Variants in BNC2 observed in about 807,000 individuals in gnomAD.
The protein encoded by BNC2 is zinc finger protein basonuclin-2.
A neutral mutation model predicts 76.3 loss-of-function variants in BNC2; 20 were observed. The ratio of observed to expected loss-of-function variants is 0.26; its 90% CI spans 0.18 to 0.38. BNC2 has a LOEUF of 0.38. Ranked by LOEUF, BNC2 falls within the 10% of genes least tolerant of loss-of-function variation. BNC2 has a pLI of 1.00. For missense variants in BNC2, 1,382 were observed against 1,399.8 expected (o/e 0.99, Z 0.20); for synonymous variants, 582 against 514.8 (o/e 1.13, Z -1.77).
chr9:16,412,825 G>C lies in BNC2; in HGVS notation c.*6164C>G, dbSNP rs1192938384. 1.3e-5 allele frequency: 2 copies of C among 151,772 alleles called. No individual in the cohort carries two copies. Among genetic ancestry groups the C allele is most frequent in the African/African-American group, 4.9e-5 (2 of 41,212 alleles). 9.4% of individuals were successfully genotyped at this position (151,772 alleles called of 1,614,324 possible). A position where few individuals can be genotyped will look rare whatever the true frequency, so the allele number is the denominator to read the frequency against. On this transcript the variant is annotated 3_prime_UTR_variant, in exon 7 of 7. Transcript: ENST00000380672. ...AACTCGATGGGAAAGCCTAGCCCTT[G>C]TAGTCAATTTCTCCTTCACAAGGGG...
chr9:16,618,353 A>G (rs1820769785), intron 3 of BNC2, among the ~76,000 whole-genome samples: 2 of 152,190 alleles, frequency 1.3e-5, no homozygotes, highest in Admixed American at 1.3e-4. Context: ...GCATAGAGAA[A>G]GCTATCCTGT....
chr9:16,444,695 G>C (rs991750551), intron 5 of BNC2, among the ~76,000 whole-genome samples: 1 of 152,180 alleles, frequency 6.6e-6, no homozygotes, highest in African/African-American at 2.4e-5. Context: ...GAGTTTCAGG[G>C]AGATATTCTG....
chr9:16,741,521 G>C (rs538284193), intron 1 of BNC2, among the ~76,000 whole-genome samples: 1 of 152,136 alleles, frequency 6.6e-6, no homozygotes, highest in African/African-American at 2.4e-5. Context: ...GTAGAACTCA[G>C]CCTGGTTCCC....
chr9:16,506,105 G>C (rs577553508), intron 5 of BNC2, among the ~76,000 whole-genome samples: 1 of 152,092 alleles, frequency 6.6e-6, no homozygotes, highest in African/African-American at 2.4e-5. Context: ...AAAATCTATC[G>C]CAAACTTTTC....
At chr9:16,700,346 CA>C (rs1823473026) in intron 3 of BNC2, among the ~76,000 whole-genome samples, 1 of 152,082 alleles carries the variant, frequency 6.6e-6, no homozygotes, top group Non-Finnish European at 1.5e-5. Context: ...GTCTTGATAG[CA>C]AGACCCCATA....
chr9:16,741,098 G>C (rs930245400), intron 1 of BNC2, among the ~76,000 whole-genome samples: 1 of 152,098 alleles, frequency 6.6e-6, no homozygotes, highest in Non-Finnish European at 1.5e-5. Flanking sequence ...TTAAAGATGG[G>C]GCTATCTGCT....
Position 16,456,643 on chromosome 9 carries a change from A to C in BNC2, c.670-19119T>G, listed in dbSNP as rs567538968. Among the ~76,000 whole-genome samples the C allele has an allele frequency of 2.0e-5, 3 of 152,032 alleles. No individual in the cohort carries two copies. In the East Asian group the frequency reaches 5.8e-4, roughly 29 times the overall value. The stretch of plus-strand genomic sequence containing the variant: ...GTCTCTGTCCTGTACTTTCTCCCCA[A>C]ATGCTCTGGCAGATATTTCCTAGCA... On this transcript the variant is annotated intron_variant, in intron 5 of 6. Transcript: ENST00000380672.
intron 1 of BNC2, among the ~76,000 whole-genome samples, chr9:16,746,024 CA>C: frequency 6.6e-6 from 1 of 152,108 alleles, no homozygotes; most frequent in Non-Finnish European, 1.5e-5. Context: ...AAGGTCATAC[CA>C]AAAAATCTTA....
intron 3 of BNC2, among the ~76,000 whole-genome samples, chr9:16,598,739 T>G (rs138641720): frequency 1.2e-3 from 180 of 152,304 alleles, no homozygotes; most frequent in African/African-American, 4.3e-3. Context: ...TTTACCATAC[T>G]GTACCTGAAA....
intron 5 of BNC2, among the ~76,000 whole-genome samples, chr9:16,535,437 T>A (rs948340630): frequency 1.3e-5 from 2 of 152,192 alleles, no homozygotes; most frequent in African/African-American, 4.8e-5. Context: ...TAGATTCCCA[T>A]ATACCCAATC....
intron 1 of BNC2, among the ~76,000 whole-genome samples, chr9:16,846,119 G>C (rs1420450263): frequency 7.0e-6 from 1 of 142,520 alleles, no homozygotes; most frequent in Non-Finnish European, 1.5e-5. Context: ...CAACGTGGGA[G>C]ACAGAGCGAG....
At chr9:16,597,966 A>G (rs1820139124) in intron 3 of BNC2, among the ~76,000 whole-genome samples, 1 of 152,156 alleles carries the variant, frequency 6.6e-6, no homozygotes, top group African/African-American at 2.4e-5. Flanking sequence ...CAAATCAGTA[A>G]TTTGTCTCTC....
At chr9:16,455,048 G>A (rs568055879) in intron 5 of BNC2, among the ~76,000 whole-genome samples, 4 of 152,292 alleles carry the variant, frequency 2.6e-5, no homozygotes, top group African/African-American at 9.6e-5. Flanking sequence ...AGGGACTAGA[G>A]ACTAAGTATG....
rs748084319 is a variant in BNC2 at position 16,738,505 on chromosome 9, G to A, written c.4-20C>T. 5.0e-6 allele frequency: 8 copies of A among 1,613,350 alleles called. No homozygotes were observed. Among genetic ancestry groups the A allele is most frequent in the Non-Finnish European group, 5.9e-6 (7 of 1,179,688 alleles). ...GTGTGCCTATTGAGAGATTGGGAAA[G>A]GAAATTACATATGCCCAGACAGTAT... On this transcript the variant is annotated intron_variant, in intron 1 of 6. Transcript: ENST00000380672.
chr9:16,757,313 C>G (rs1226615561), intron 1 of BNC2, among the ~76,000 whole-genome samples: 1 of 152,132 alleles, frequency 6.6e-6, no homozygotes, highest in African/African-American at 2.4e-5. Context: ...CATCTTGAAT[C>G]CTGTCATTTT....
chr9:16,755,348 A>G (rs10810609), intron 1 of BNC2, among the ~76,000 whole-genome samples: 130,214 of 151,606 alleles, frequency 0.86, 56,445 homozygotes, highest in Non-Finnish European at 0.92. Context: ...GGGGGACACC[A>G]CCTCAGAACA....
chr9:16,810,944 C>A (rs1015497654), intron 1 of BNC2, among the ~76,000 whole-genome samples: 3 of 152,082 alleles, frequency 2.0e-5, no homozygotes, highest in Non-Finnish European at 4.4e-5. Context: ...CAGGGGCCAG[C>A]GCAGTGGCTC....
chr9:16,518,549 G>T (rs966244059), intron 5 of BNC2, among the ~76,000 whole-genome samples: 1 of 152,104 alleles, frequency 6.6e-6, no homozygotes, highest in Non-Finnish European at 1.5e-5. Flanking sequence ...GATTTGGGAT[G>T]TACAGGTGCA....
chr9:16,698,198 A>G (rs1823395501), intron 3 of BNC2, among the ~76,000 whole-genome samples: 1 of 152,160 alleles, frequency 6.6e-6, no homozygotes, highest in South Asian at 2.1e-4. Flanking sequence ...AGATTTGCCA[A>G]TCTCTCTCTT....
Sources: gnomAD v4.1 joint callset for allele counts (sites outside exome capture counted in the v4.1 genomes callset) on GRCh38, gnomAD v4.1.1 for gene constraint, MANE v1.5 for transcripts, NCBI Gene and HGNC (gene_info 2026-07-23, HGNC 2026-07-21) for gene names.